Variants in CAPN12 observed in about 807,000 individuals in gnomAD.
CAPN12 encodes the protein calpain-12.
A neutral mutation model predicts 95.0 loss-of-function variants in CAPN12; 107 were observed. That is an observed-to-expected ratio of 1.13 (90% CI 0.96 to 1.32). The LOEUF is 1.32. Among genes scored for constraint, CAPN12 ranks in the 40% most tolerant of loss-of-function variants. The probability of loss-of-function intolerance (pLI) is 0.00; values close to 1 mark genes in which losing one functional copy is unlikely to be tolerated. For missense variants in CAPN12, 1,136 were observed against 997.8 expected (o/e 1.14, Z -1.87); for synonymous variants, 505 against 415.5 (o/e 1.22, Z -2.62).
chr19:38,732,035 G>A (rs1969657318), intron 18 of CAPN12, among the ~76,000 whole-genome samples: 1 of 152,262 alleles, frequency 6.6e-6, no homozygotes, highest in African/African-American at 2.4e-5. Flanking sequence ...AGCCAGATGG[G>A]GTGGAAGGAC....
intron 15 of CAPN12, 147 bp downstream of exon 15, chr19:38,734,666 G>A (rs536352019): frequency 4.1e-6 from 3 of 726,932 alleles, no homozygotes; most frequent in Non-Finnish European, 6.7e-6. Context: ...AAGATCCCCT[G>A]CAGGGAGATG....
rs573400086 is a variant in CAPN12 at position 38,736,182 on chromosome 19, G to A, written c.1511C>T (p.Pro504Leu). 13 of 1,512,976 alleles carry A rather than the reference G, an allele frequency of 8.6e-6. No homozygotes were observed. In the African/African-American group the frequency reaches 8.7e-5, roughly 10 times the overall value. The allele number at this position is 1,512,976 out of a possible 1,614,324, so 93.7% of individuals were successfully genotyped here. A position where few individuals can be genotyped will look rare whatever the true frequency, so the allele number is the denominator to read the frequency against. ...CLRPGHYLVV[P>L]STAHAGDEAD... is the part of the protein sequence containing the mutation. ...CTCGTCGCCGGCGTGGGCGGTGCTCGGCACCACCAGGTAGTGGCCTGGACG... is the reference window on the plus strand; with the variant it reads ...CTCGTCGCCGGCGTGGGCGGTGCTCAGCACCACCAGGTAGTGGCCTGGACG... The change falls in exon 12 of 21, where the codon CCG (proline) becomes CTG (leucine). Residue 504 changes from proline (P) to leucine (L), a missense_variant. By Grantham distance (98) the Pro-to-Leu change is moderately conservative. Transcript: ENST00000328867.
At chr19:38,740,433 C>T (rs1470945424) in intron 4 of CAPN12, among the ~76,000 whole-genome samples, 2 of 152,058 alleles carry the variant, frequency 1.3e-5, no homozygotes, top group Admixed American at 1.3e-4. Flanking sequence ...CGGGTTCAAG[C>T]GATCCTCCTC....
chr19:38,734,740 A>G, intron 15 of CAPN12, 73 bp downstream of exon 15: 1 of 1,412,774 alleles, frequency 7.1e-7, no homozygotes, highest in South Asian at 1.2e-5. Context: ...TCATAGACAT[A>G]GGGTGGCACC....
rs1970258924 is a variant in CAPN12, at chr19:38,737,265, C to T, written c.1253G>A (p.Gly418Glu). The T allele has an allele frequency of 6.5e-7, 1 of 1,548,806 alleles. No individual in the cohort carries two copies. Among genetic ancestry groups the T allele is most frequent in the Non-Finnish European group, 8.7e-7 (1 of 1,147,260 alleles). Residue 418 changes from glycine (G) to glutamate (E), a missense_variant, in exon 10 of 21, where the codon GGG becomes GAG. Gly to Glu is a moderately conservative substitution (Grantham distance 98, BLOSUM62 -2). Transcript: ENST00000328867. ...GAAGARGPAR[G>E]GRTPKCTVLL... ...GACCGTGCACTTGGGCGTGCGGCCC[C>T]CCCGCGCTGGGCCCCGTGCCCCTGC... is the stretch of plus-strand genomic sequence containing the variant.
intron 4 of CAPN12, among the ~76,000 whole-genome samples, chr19:38,740,628 C>T (rs1379144350): frequency 1.3e-5 from 2 of 152,038 alleles, no homozygotes; most frequent in Non-Finnish European, 2.9e-5. Flanking sequence ...GGTGAAACCC[C>T]GTCTCTACTA....
intron 14 of CAPN12, 192 bp from the exon 15 acceptor site, chr19:38,735,062 C>G (rs1969921185): frequency 3.2e-6 from 2 of 617,594 alleles, no homozygotes; most frequent in South Asian, 2.1e-5. Context: ...TGGTGGGGGG[C>G]CAGCAGACCG....
At chr19:38,732,584 G>A (rs917752136) in intron 18 of CAPN12, among the ~76,000 whole-genome samples, 2 of 152,280 alleles carry the variant, frequency 1.3e-5, no homozygotes, top group Non-Finnish European at 2.9e-5. Context: ...CTGGCAATCT[G>A]CCTGCCTTAG....
chr19:38,743,549 TCC>T (rs1970703326), intron 1 of CAPN12, among the ~76,000 whole-genome samples: 1 of 42,728 alleles, frequency 2.3e-5, no homozygotes, highest in Non-Finnish European at 4.7e-5. Flanking sequence ...GGAGTCCAGG[TCC>T]AGCCCCTCCT....
chr19:38,735,561 G>T lies in CAPN12; in HGVS notation c.1584-17C>A. ...TCGATCTCCCTGCAAATTACAGATG[G>T]GAAGTGGGGAGGGGGCTGTTTGCCC... On this transcript the variant is annotated splice_polypyrimidine_tract_variant and intron_variant, in intron 12 of 20. Transcript: ENST00000328867. The T allele has an allele frequency of 1.9e-6, 3 of 1,608,226 alleles. No homozygotes were observed. The highest frequency in any genetic ancestry group is 1.7e-6 in the Non-Finnish European group (2 of 1,178,592).
intron 18 of CAPN12, chr19:38,731,425 C>A: frequency 1.6e-6 from 1 of 606,860 alleles, no homozygotes. Flanking sequence ...CTAAGACAGC[C>A]CCGACCCCAT....
rs747681674 is a variant in CAPN12 at position 38,734,873 on chromosome 19, A to G, written c.1687-3T>C. The G allele has an allele frequency of 6.2e-7, 1 of 1,612,582 alleles. No homozygotes were observed. Among genetic ancestry groups the G allele is most frequent in the African/African-American group, 1.3e-5 (1 of 75,036 alleles). On this transcript the variant is annotated splice_region_variant and splice_polypyrimidine_tract_variant and intron_variant, in intron 14 of 20. Coordinates refer to ENST00000328867, the MANE Select transcript of CAPN12 (RefSeq NM_144691.4). ...TGAGAGGCATTGAGTTCTTCCTCCT[A>G]GTCCAGGAAAGAGGGCTTGTGAGGC...
rs376019242 is a variant in CAPN12, at chr19:38,738,662, G to T, written c.730-14C>A. On this transcript the variant is annotated splice_polypyrimidine_tract_variant and intron_variant, in intron 5 of 20. Coordinates refer to ENST00000328867, the MANE Select transcript of CAPN12 (RefSeq NM_144691.4). ...ACCCCGATCACTCTGGGCAGGGGATGGGATGGTGAGGCCAAGGTAGGGGAC... is the reference window on the plus strand; with the variant it reads ...ACCCCGATCACTCTGGGCAGGGGATTGGATGGTGAGGCCAAGGTAGGGGAC... 2 of 1,613,428 alleles carry T rather than the reference G, an allele frequency of 1.2e-6. No individual in the cohort carries two copies. The highest frequency in any genetic ancestry group is 2.7e-5 in the African/African-American group (2 of 74,916).
chr19:38,734,218 C>A lies in CAPN12; in HGVS notation c.1816-14G>T. On this transcript the variant is annotated splice_polypyrimidine_tract_variant and intron_variant, in intron 16 of 20. Transcript: ENST00000328867. ...GCTTTGCCCATGCTGTGTTGGGGGT[C>A]GGGGGCATCTGGTTAAGGTCAATCT... 1 of 1,612,544 alleles carries A rather than the reference C, an allele frequency of 6.2e-7. No homozygotes were observed. Among genetic ancestry groups the A allele is most frequent in the South Asian group, 1.1e-5 (1 of 91,044 alleles).
rs1015901561 is a variant in CAPN12, at chr19:38,730,342, G to A, written c.*510C>T. 7 of 170,084 alleles carry A rather than the reference G, an allele frequency of 4.1e-5. No homozygotes were observed. In the East Asian group the frequency reaches 6.8e-4, roughly 17 times the overall value. The allele number at this position is 170,084 out of a possible 1,614,324, so 10.5% of individuals were successfully genotyped here. ...CTTGCTGATGCTCCTCCGGGTCTGC[G>A]TCGGGCGTGGGTCTCTGGGGACCCT... is the stretch of plus-strand genomic sequence containing the variant. On this transcript the variant is annotated 3_prime_UTR_variant, in exon 21 of 21. Coordinates refer to ENST00000328867, the MANE Select transcript of CAPN12 (RefSeq NM_144691.4).
Position 38,730,757 on chromosome 19 carries a change from G to T in CAPN12, c.*95C>A. ...AGAGACTAGCCCCAGACAGGTGGATGCCAGAGAGAGTGGCACCCATGCCAG... is the reference window on the plus strand; with the variant it reads ...AGAGACTAGCCCCAGACAGGTGGATTCCAGAGAGAGTGGCACCCATGCCAG... On this transcript the variant is annotated 3_prime_UTR_variant, in exon 21 of 21. Transcript: ENST00000328867. 1 of 1,464,076 alleles carries T rather than the reference G, an allele frequency of 6.8e-7. No individual in the cohort carries two copies. The highest frequency in any genetic ancestry group is 9.3e-7 in the Non-Finnish European group (1 of 1,073,810). The allele number at this position is 1,464,076 out of a possible 1,614,324, so 90.7% of individuals were successfully genotyped here.
rs765312069 is a variant in CAPN12 at position 38,743,032 on chromosome 19, C to T, written c.307+1G>A. On this transcript the variant is annotated splice_donor_variant, in intron 2 of 20. Coordinates refer to ENST00000328867, the MANE Select transcript of CAPN12 (RefSeq NM_144691.4). LOFTEE classifies it high-confidence loss of function. ...GACTCCAGGTGGGTTCAGGGTCTCA[C>T]CCAGGCTCCCCTGACACACGTCTGT... 7 of 1,613,702 alleles carry T rather than the reference C, an allele frequency of 4.3e-6. No individual in the cohort carries two copies. In the African/African-American group the frequency reaches 8.0e-5, roughly 18 times the overall value.
rs1970598970 is a variant in CAPN12 at position 38,742,406 on chromosome 19, G to A, written c.426+4C>T. 1 of 1,601,452 alleles carries A rather than the reference G, an allele frequency of 6.2e-7. No individual in the cohort carries two copies. Among genetic ancestry groups the A allele is most frequent in the Non-Finnish European group, 8.6e-7 (1 of 1,168,596 alleles). ...GAGGCATGGGCAGAGGAACTGAGCT[G>A]TACCTGGAAGTGGAAGACGCCTGCG... On this transcript the variant is annotated splice_donor_region_variant and intron_variant, in intron 3 of 20. Transcript: ENST00000328867.
intron 17 of CAPN12, 68 bp downstream of exon 17, chr19:38,734,074 A>T (rs1263648953): frequency 6.4e-7 from 1 of 1,561,368 alleles, no homozygotes; most frequent in African/African-American, 1.4e-5. Context: ...GATAGCCCAC[A>T]GGGTGCCTAT....
Sources: allele counts gnomAD v4.1 joint callset (sites outside exome capture counted in the v4.1 genomes callset), GRCh38; gene constraint gnomAD v4.1.1; transcripts MANE v1.5; gene names NCBI Gene and HGNC (gene_info 2026-07-23, HGNC 2026-07-21).